Variants in DOCK2 observed in about 807,000 individuals in gnomAD.
DOCK2 encodes the protein dedicator of cytokinesis 2, also known as dedicator of cytokinesis protein 2.
A neutral mutation model predicts 248.9 loss-of-function variants in DOCK2; 87 were observed. The observed-to-expected ratio is 0.35, with a 90% CI of 0.29 to 0.42. The LOEUF (loss-of-function observed/expected upper bound fraction) is 0.42, where lower values mean the gene tolerates loss of function less well. Among genes scored for constraint, DOCK2 ranks in the 10% least tolerant of loss-of-function variants. The pLI is 1.00. For synonymous variants in DOCK2, 805 were observed against 821.6 expected (o/e 0.98, Z 0.35); for missense variants, 1,747 against 2,300.2 (o/e 0.76, Z 4.92).
chr5:169,850,565 G>C (rs1483782715), intron 27 of DOCK2, among the ~76,000 whole-genome samples: 3 of 152,034 alleles, frequency 2.0e-5, no homozygotes, highest in African/African-American at 7.2e-5. Flanking sequence ...AATTAGACAA[G>C]AGACTTGAAA....
chr5:170,065,776 A>C (rs150697598), intron 44 of DOCK2, among the ~76,000 whole-genome samples: 1 of 152,236 alleles, frequency 6.6e-6, no homozygotes, highest in Non-Finnish European at 1.5e-5. Flanking sequence ...GTCATCTCCC[A>C]CTAAGTCCCT....
At chr5:169,684,095 C>T in intron 7 of DOCK2, 101 bp from the exon 8 acceptor site, 2 of 1,450,964 alleles carry the variant, frequency 1.4e-6, no homozygotes, top group Non-Finnish European at 1.9e-6. Flanking sequence ...AATGCCCAAA[C>T]TTTAGGCTTG....
At chr5:169,856,425 T>A (rs1395855252) in intron 27 of DOCK2, among the ~76,000 whole-genome samples, 4 of 152,076 alleles carry the variant, frequency 2.6e-5, no homozygotes, top group Non-Finnish European at 5.9e-5. Context: ...GAATACAGAC[T>A]GAGGTTCATC....
chr5:170,005,034 A>G (rs921714491), intron 30 of DOCK2, among the ~76,000 whole-genome samples: 2 of 148,168 alleles, frequency 1.3e-5, no homozygotes, highest in Non-Finnish European at 3.0e-5. Context: ...AACCTGCACA[A>G]TGTGCACATG....
intron 27 of DOCK2, among the ~76,000 whole-genome samples, chr5:169,982,058 G>T (rs1304517717): frequency 1.3e-5 from 2 of 149,450 alleles, no homozygotes; most frequent in Non-Finnish European, 3.0e-5. Context: ...AGCAGTTTAT[G>T]GTAAAAATGC....
intron 27 of DOCK2, among the ~76,000 whole-genome samples, chr5:169,906,995 G>T (rs1390735985): frequency 6.6e-6 from 1 of 152,166 alleles, no homozygotes; most frequent in Non-Finnish European, 1.5e-5. Flanking sequence ...TAGGGACTGG[G>T]ACTACAGCAG....
intron 1 of DOCK2, 35 bp from the exon 2 acceptor site, chr5:169,654,368 G>T (rs753293125): frequency 1.2e-6 from 2 of 1,611,134 alleles, no homozygotes; most frequent in Non-Finnish European, 1.7e-6. Context: ...GAGATCTAGA[G>T]GTCTCACCTA....
intron 27 of DOCK2, among the ~76,000 whole-genome samples, chr5:169,869,572 G>A (rs991976506): frequency 9.9e-5 from 15 of 152,168 alleles, no homozygotes; most frequent in African/African-American, 3.6e-4. Context: ...TTATAAATGG[G>A]GAGGGACAGA....
At chr5:169,896,771 C>T (rs1035236379) in intron 27 of DOCK2, among the ~76,000 whole-genome samples, 2 of 152,100 alleles carry the variant, frequency 1.3e-5, no homozygotes, top group Non-Finnish European at 1.5e-5. Context: ...AGTCCCTACC[C>T]GCTGCTCACA....
At position 170,028,763 on chromosome 5, in the gene DOCK2, A is replaced by ACGCG. The variant is rs1561888176; in HGVS notation, c.3467+816_3467+817insGCGC. The stretch of plus-strand genomic sequence containing the variant: ...CCAACACACACACACACACACACAC[A>ACGCG]CACACGCGTGCGCACACACACCCAA... On this transcript the variant is annotated intron_variant, in intron 34 of 51. Coordinates refer to ENST00000520908, the MANE Select transcript of DOCK2 (RefSeq NM_004946.3). Among the ~76,000 whole-genome samples, 46 of 122,316 alleles carry ACGCG rather than the reference A, an allele frequency of 3.8e-4. No individual in the cohort carries two copies. The South Asian group carries it at 0.012, about 32-fold the overall frequency. The allele number at this position is 122,316 out of a possible 152,430, so 80.2% of individuals were successfully genotyped here.
intron 7 of DOCK2, among the ~76,000 whole-genome samples, chr5:169,682,098 T>C (rs935369346): frequency 2.0e-5 from 3 of 152,246 alleles, no homozygotes; most frequent in Admixed American, 2.0e-4. Context: ...CAGGCAAGTT[T>C]CTTGATCTCT....
chr5:169,861,212 A>G (rs1771177358), intron 27 of DOCK2, among the ~76,000 whole-genome samples: 1 of 152,228 alleles, frequency 6.6e-6, no homozygotes, highest in Non-Finnish European at 1.5e-5. Flanking sequence ...TTATAATGAA[A>G]GCCATACTTG....
rs140913184 is a variant in DOCK2, at chr5:169,669,112, G to A, written c.128-176G>A. 1.9e-3 allele frequency among the ~76,000 whole-genome samples: 296 copies of A among 152,166 alleles called. 3 individuals are homozygous for A. The highest frequency in any genetic ancestry group is 7.0e-3 in the African/African-American group (290 of 41,500). ...TTTTAGATGTTATTTTGAGATGTTG[G>A]CAACCAATTCAACAGATTTCAAAGA... On this transcript the variant is annotated intron_variant, in intron 2 of 51. Coordinates refer to ENST00000520908, the MANE Select transcript of DOCK2 (RefSeq NM_004946.3).
chr5:169,747,342 T>C, intron 22 of DOCK2, 54 bp from the exon 23 acceptor site: 1 of 1,537,756 alleles, frequency 6.5e-7, no homozygotes, highest in East Asian at 2.3e-5. Context: ...AGTACACACT[T>C]TTAAAAGTAT....
At position 169,708,189 on chromosome 5, in the gene DOCK2, A is replaced by G. The variant is rs775855800; in HGVS notation, c.1404A>G (p.Ala468=). ...KTLPNAICVG[A]GDKPMNEYRS... is the part of the protein sequence containing the mutation. ...GTCAGAATGCAATTTGCGTGGGAGC[A>G]GGGGACAAGCCCATGAATGAGTATC... The change falls in exon 15 of 52, where the codon GCA becomes GCG. Residue 468 remains alanine, a synonymous_variant. Transcript: ENST00000520908. The G allele has an allele frequency of 2.0e-5, 33 of 1,613,900 alleles. No individual in the cohort carries two copies. The South Asian group carries it at 3.6e-4, about 18-fold the overall frequency.
chr5:169,993,140 A>G (rs923875397), intron 29 of DOCK2, among the ~76,000 whole-genome samples: 5 of 152,256 alleles, frequency 3.3e-5, no homozygotes, highest in Non-Finnish European at 5.9e-5. Flanking sequence ...ATGCATTTCC[A>G]TCTGGGGGAT....
chr5:169,782,497 T>G (rs1282351753), intron 25 of DOCK2, among the ~76,000 whole-genome samples: 2 of 148,166 alleles, frequency 1.3e-5, no homozygotes, highest in Admixed American at 6.8e-5. Flanking sequence ...AGCTTCCTCC[T>G]TAGTTTTTTT....
intron 10 of DOCK2, among the ~76,000 whole-genome samples, chr5:169,696,668 G>A (rs376710587): frequency 1.8e-4 from 28 of 152,064 alleles, no homozygotes; most frequent in South Asian, 1.5e-3. Context: ...AGAGTATACC[G>A]TGCATAACCC....
intron 27 of DOCK2, among the ~76,000 whole-genome samples, chr5:169,896,971 A>T (rs924378139): frequency 1.3e-5 from 2 of 152,260 alleles, no homozygotes; most frequent in South Asian, 4.1e-4. Context: ...GAAAGGGAAT[A>T]TAGTAAGACA....
Sources: gnomAD v4.1 joint callset for allele counts (sites outside exome capture counted in the v4.1 genomes callset) on GRCh38, gnomAD v4.1.1 for gene constraint, MANE v1.5 for transcripts, NCBI Gene and HGNC (gene_info 2026-07-23, HGNC 2026-07-21) for gene names.